EPM2A: variants seen among roughly 807,000 people sequenced by gnomAD.
EPM2A encodes EPM2A glucan phosphatase, laforin, also known as laforin.
Under a neutral mutation model 26.5 loss-of-function variants are expected in EPM2A, and 21 were observed. The observed-to-expected ratio is 0.79, with a 90% CI of 0.56 to 1.14. The LOEUF (loss-of-function observed/expected upper bound fraction) is 1.14, where lower values mean the gene tolerates loss of function less well. Ranked by LOEUF, EPM2A falls within the 50% of genes most tolerant of loss-of-function variation. The pLI is 0.00. For missense variants in EPM2A, 458 were observed against 440.8 expected (o/e 1.04, Z -0.35); for synonymous variants, 217 against 177.6 (o/e 1.22, Z -1.76).
chr6:145,727,399 T>C (rs2128642983), intron 1 of EPM2A, among the ~76,000 whole-genome samples: 1 of 152,260 alleles, frequency 6.6e-6, no homozygotes, highest in Non-Finnish European at 1.5e-5. Flanking sequence ...GAAGAAAGCC[T>C]CAATCTTCTT....
intron 4 of EPM2A, among the ~76,000 whole-genome samples, chr6:145,484,549 A>T (rs560805679): frequency 9.9e-5 from 15 of 152,208 alleles, no homozygotes; most frequent in South Asian, 8.3e-4. Context: ...TCAAAGACAT[A>T]ATCTCCAAAT....
intron 1 of EPM2A, among the ~76,000 whole-genome samples, chr6:145,710,105 A>C (rs1300938019): frequency 2.0e-5 from 3 of 152,220 alleles, no homozygotes; most frequent in East Asian, 1.9e-4. Context: ...ACAAAAGCCA[A>C]AATTGACAAA....
intron 4 of EPM2A, among the ~76,000 whole-genome samples, chr6:145,494,112 G>A (rs78103783): frequency 0.04 from 6,158 of 152,140 alleles, 424 homozygotes; most frequent in African/African-American, 0.14. Flanking sequence ...CTGTCTGGTC[G>A]TGGGCTTTTT....
intron 2 of EPM2A, among the ~76,000 whole-genome samples, chr6:145,589,771 C>T (rs767294310): frequency 4.0e-5 from 6 of 151,280 alleles, no homozygotes; most frequent in East Asian, 1.9e-4. Context: ...CACCAGCAGC[C>T]GGAGAGTGGA....
chr6:145,424,625 G>T (rs1778828695), intron 4 of EPM2A, among the ~76,000 whole-genome samples: 1 of 152,114 alleles, frequency 6.6e-6, no homozygotes, highest in African/African-American at 2.4e-5. Flanking sequence ...TTCATATTTG[G>T]AAATCTAATC....
intron 2 of EPM2A, among the ~76,000 whole-genome samples, chr6:145,558,140 A>G (rs969228425): frequency 6.6e-6 from 1 of 152,076 alleles, no homozygotes; most frequent in African/African-American, 2.4e-5. Context: ...TATTATTTAT[A>G]TATACTACAT....
At chr6:145,580,796 C>T (rs1467390113) in intron 2 of EPM2A, among the ~76,000 whole-genome samples, 2 of 152,106 alleles carry the variant, frequency 1.3e-5, no homozygotes, top group East Asian at 3.8e-4. Flanking sequence ...TGTGTCAATT[C>T]ACTTAGGATA....
intron 2 of EPM2A, among the ~76,000 whole-genome samples, chr6:145,593,430 G>A (rs1229561812): frequency 1.3e-5 from 2 of 151,912 alleles, no homozygotes; most frequent in African/African-American, 2.4e-5. Flanking sequence ...GAATCAACTC[G>A]CTCTAGTTGA....
At chr6:145,710,978 G>T (rs200195328) in intron 1 of EPM2A, among the ~76,000 whole-genome samples, 1 of 114,436 alleles carries the variant, frequency 8.7e-6, no homozygotes, top group South Asian at 3.7e-4. Flanking sequence ...TTGTGGGGTG[G>T]GGGGAGGGGG....
chr6:145,541,747 G>A (rs1464913819), intron 2 of EPM2A, among the ~76,000 whole-genome samples: 1 of 152,092 alleles, frequency 6.6e-6, no homozygotes, highest in African/African-American at 2.4e-5. Flanking sequence ...AGGCAGATAT[G>A]AGACAAATTA....
At chr6:145,559,946 G>T (rs981484772) in intron 2 of EPM2A, among the ~76,000 whole-genome samples, 2 of 152,062 alleles carry the variant, frequency 1.3e-5, no homozygotes, top group Admixed American at 6.6e-5. Flanking sequence ...AGTTTGGCTT[G>T]GTTCAATTGT....
intron 4 of EPM2A, among the ~76,000 whole-genome samples, chr6:145,471,205 AT>A (rs1316781501): frequency 6.6e-6 from 1 of 152,154 alleles, no homozygotes; most frequent in African/African-American, 2.4e-5. Flanking sequence ...GAATCTATTG[AT>A]TGATCAATAT....
chr6:145,470,843 AAAT>A (rs1488596252), intron 4 of EPM2A, among the ~76,000 whole-genome samples: 3 of 152,194 alleles, frequency 2.0e-5, no homozygotes, highest in Non-Finnish European at 4.4e-5. Context: ...GCTATTCATA[AAAT>A]AATACTATAT....
chr6:145,454,050 T>C (rs1779230526), intron 4 of EPM2A, among the ~76,000 whole-genome samples: 1 of 152,182 alleles, frequency 6.6e-6, no homozygotes, highest in South Asian at 2.1e-4. Context: ...CTTGACACTT[T>C]TGTTGATTCC....
At chr6:145,573,261 G>A (rs1476991321) in intron 2 of EPM2A, among the ~76,000 whole-genome samples, 1 of 152,188 alleles carries the variant, frequency 6.6e-6, no homozygotes, top group Non-Finnish European at 1.5e-5. Flanking sequence ...ATATACCCCT[G>A]AGGTAGGACA....
intron 4 of EPM2A, among the ~76,000 whole-genome samples, chr6:145,474,934 A>C (rs981207385): frequency 1.3e-5 from 2 of 152,206 alleles, no homozygotes; most frequent in Non-Finnish European, 1.5e-5. Context: ...ATCTCACATC[A>C]GTTAGAATGG....
intron 2 of EPM2A, among the ~76,000 whole-genome samples, chr6:145,548,230 A>G (rs387965): frequency 0.46 from 69,923 of 151,954 alleles, 16,101 homozygotes; most frequent in South Asian, 0.59. Flanking sequence ...TCTCTTTCTG[A>G]CAACATCTAT....
chr6:145,541,483 T>G lies in EPM2A; in HGVS notation c.341-38908A>C, dbSNP rs577262854. 7.2e-5 allele frequency among the ~76,000 whole-genome samples: 11 copies of G among 152,180 alleles called. No individual in the cohort carries two copies. The South Asian group carries it at 2.3e-3, about 32-fold the overall frequency. Reference sequence around the variant, plus strand: ...TCAAAGCAAATTTGTATGTAAACAATCTATGTTGTTCAACTTTAAAAAAAT... The same window carrying G: ...TCAAAGCAAATTTGTATGTAAACAAGCTATGTTGTTCAACTTTAAAAAAAT... On this transcript the variant is annotated intron_variant, in intron 2 of 3. Coordinates refer to the EPM2A transcript ENST00000450221.
chr6:145,572,014 C>T (rs1352932288), intron 2 of EPM2A, among the ~76,000 whole-genome samples: 1 of 152,212 alleles, frequency 6.6e-6, no homozygotes, highest in African/African-American at 2.4e-5. Flanking sequence ...AATCATGCTT[C>T]TTCCAAGTCG....
Sources: gnomAD v4.1 joint callset for allele counts (sites outside exome capture counted in the v4.1 genomes callset) on GRCh38, gnomAD v4.1.1 for gene constraint, MANE v1.5 for transcripts, NCBI Gene and HGNC (gene_info 2026-07-23, HGNC 2026-07-21) for gene names.